Variants in GPHN observed in about 807,000 individuals in gnomAD.
GPHN encodes the protein gephyrin.
GPHN carries 17 observed loss-of-function variants against 95.5 expected under a neutral mutation model. That is an observed-to-expected ratio of 0.18 (90% confidence interval 0.12 to 0.27). GPHN has a LOEUF of 0.27. GPHN is among the 10% of genes least tolerant of loss of function. The pLI is 1.00. For synonymous variants in GPHN, 320 were observed against 322.5 expected (o/e 0.99, Z 0.08); for missense variants, 660 against 978.1 (o/e 0.67, Z 4.34).
Position 66,815,328 on chromosome 14 carries a change from A to G in GPHN, c.202-9146A>G, listed in dbSNP as rs78447033. 7.3e-3 allele frequency among the ~76,000 whole-genome samples: 1,116 copies of G among 152,312 alleles called. 24 individuals are homozygous for G. The highest frequency in any genetic ancestry group is 0.026 in the African/African-American group (1,064 of 41,556). On this transcript the variant is annotated intron_variant, in intron 3 of 22. Coordinates refer to ENST00000478722, the MANE Select transcript of GPHN (RefSeq NM_020806.5). ...AGGAAATGCAGAGAACTCTAATAAG[A>G]TACTTCACATGAAGATCATCCCCAA... is the stretch of plus-strand genomic sequence containing the variant.
chr14:67,538,461 C>G, the GPHN span, among the ~76,000 whole-genome samples: 4 of 152,226 alleles, frequency 2.6e-5, no homozygotes, highest in African/African-American at 9.7e-5. Context: ...GTTACAAACT[C>G]TACTGCAAAT....
At chr14:67,122,185 A>T in intron 16 of GPHN, 71 bp from the exon 17 acceptor site, 3 of 1,486,252 alleles carry the variant, frequency 2.0e-6, no homozygotes, top group Non-Finnish European at 2.8e-6. Flanking sequence ...AGTTTAGTAG[A>T]TTTTTTTTTC....
At chr14:67,222,698 C>G in the GPHN span, among the ~76,000 whole-genome samples, 1 of 152,154 alleles carries the variant, frequency 6.6e-6, no homozygotes, top group Non-Finnish European at 1.5e-5. Context: ...ATAGGCACCT[C>G]TTATAGGTTG....
chr14:67,372,289 A>G, the GPHN span, among the ~76,000 whole-genome samples: 1 of 152,214 alleles, frequency 6.6e-6, no homozygotes, highest in East Asian at 1.9e-4. Context: ...ACCTCACCTT[A>G]TACAAAAGTT....
At chr14:67,477,682 T>C in the GPHN span, among the ~76,000 whole-genome samples, 2 of 152,194 alleles carry the variant, frequency 1.3e-5, no homozygotes, top group Admixed American at 6.5e-5. Context: ...CCTAGCACTT[T>C]GGGAGGCAGA....
the GPHN span, among the ~76,000 whole-genome samples, chr14:67,251,725 C>G: frequency 6.6e-6 from 1 of 152,126 alleles, no homozygotes; most frequent in Non-Finnish European, 1.5e-5. Context: ...TTCTAAATCC[C>G]TTGGAATTTT....
chr14:67,693,603 A>G, the GPHN span, among the ~76,000 whole-genome samples: 1 of 151,394 alleles, frequency 6.6e-6, no homozygotes, highest in South Asian at 2.1e-4. Context: ...CTGGGATTCA[A>G]GTCTTGCTTT....
chr14:67,698,895 A>C, the GPHN span, among the ~76,000 whole-genome samples: 1 of 152,302 alleles, frequency 6.6e-6, no homozygotes, highest in East Asian at 1.9e-4. Flanking sequence ...AGTGGGCTGC[A>C]TTTGGCCTGT....
intron 4 of GPHN, among the ~76,000 whole-genome samples, chr14:66,863,242 T>A (rs1485169368): frequency 6.7e-6 from 1 of 149,814 alleles, no homozygotes; most frequent in Non-Finnish European, 1.5e-5. Flanking sequence ...CAGAGAAAAT[T>A]AAATACCTAG....
At chr14:66,560,093 G>T (rs1274629052) in intron 1 of GPHN, among the ~76,000 whole-genome samples, 1 of 151,932 alleles carries the variant, frequency 6.6e-6, no homozygotes, top group Non-Finnish European at 1.5e-5. Flanking sequence ...TGTTCCATTG[G>T]TCTATATCTC....
At chr14:66,899,303 G>T (rs1382369619) in intron 5 of GPHN, among the ~76,000 whole-genome samples, 1 of 151,630 alleles carries the variant, frequency 6.6e-6, no homozygotes, top group Non-Finnish European at 1.5e-5. Context: ...GTGCTATTTT[G>T]AATAGCCATG....
At chr14:67,664,534 T>C in the GPHN span, among the ~76,000 whole-genome samples, 1 of 151,534 alleles carries the variant, frequency 6.6e-6, no homozygotes, top group South Asian at 2.1e-4. Context: ...TCTTGCTCTG[T>C]CTCCCAGGCT....
chr14:67,166,437 G>A (rs1446746664), intron 20 of GPHN, among the ~76,000 whole-genome samples: 2 of 152,110 alleles, frequency 1.3e-5, no homozygotes, highest in South Asian at 2.1e-4. Flanking sequence ...ATGTTACTGT[G>A]GGAGCCTATT....
At chr14:67,692,889 G>T in the GPHN span, 1 of 1,287,950 alleles carries the variant, frequency 7.8e-7, no homozygotes, top group Non-Finnish European at 1.1e-6. Context: ...ACTGTGAGGG[G>T]TAAAACAGCA....
intron 17 of GPHN, among the ~76,000 whole-genome samples, chr14:67,131,066 G>A (rs1270816856): frequency 6.6e-6 from 1 of 152,148 alleles, no homozygotes; most frequent in Non-Finnish European, 1.5e-5. Flanking sequence ...GTGAGCTACT[G>A]TAGGGGAAGA....
the GPHN span, among the ~76,000 whole-genome samples, chr14:67,636,069 A>G: frequency 1.3e-5 from 2 of 151,994 alleles, no homozygotes; most frequent in Admixed American, 6.6e-5. Flanking sequence ...TTTAGAAACA[A>G]TTTGGAAAAA....
At chr14:67,384,887 G>C in the GPHN span, 14 of 152,086 alleles carry the variant, frequency 9.2e-5, no homozygotes, top group Non-Finnish European at 1.6e-4. Flanking sequence ...GTCTGTTGAG[G>C]CATCAAAAAA....
the GPHN span, among the ~76,000 whole-genome samples, chr14:67,341,785 T>G: frequency 6.6e-6 from 1 of 152,260 alleles, no homozygotes; most frequent in Non-Finnish European, 1.5e-5. Flanking sequence ...GGATGGTTGC[T>G]GTGTCTGTGT....
At chr14:67,302,345 AAAAT>A in the GPHN span, 3 of 1,244,448 alleles carry the variant, frequency 2.4e-6, no homozygotes, top group Non-Finnish European at 3.2e-6. Flanking sequence ...ATAGAATTTA[AAAAT>A]AAATGCTTAA....
Sources: gnomAD v4.1 joint callset for allele counts (sites outside exome capture counted in the v4.1 genomes callset) on GRCh38, gnomAD v4.1.1 for gene constraint, MANE v1.5 for transcripts, NCBI Gene and HGNC (gene_info 2026-07-23, HGNC 2026-07-21) for gene names.